The following MRAP2 variants were observed in gnomAD, a reference collection of about 807,000 sequenced individuals.
The protein encoded by MRAP2 is melanocortin 2 receptor accessory protein 2.
In MRAP2, 20 loss-of-function variants were observed where a neutral mutation model predicts 17.4. The ratio of observed to expected loss-of-function variants is 1.15; its 90% CI spans 0.81 to 1.67. The LOEUF is 1.67. MRAP2 is among the 40% of genes most tolerant of loss of function. The pLI, the probability that MRAP2 is intolerant of heterozygous loss-of-function variation, is 0.00. For synonymous variants in MRAP2, 96 were observed against 88.4 expected (o/e 1.09, Z -0.48); for missense variants, 238 against 240.0 (o/e 0.99, Z 0.05).
chr6:84,083,983 A>G (rs778374442), intron 3 of MRAP2, among the ~76,000 whole-genome samples: 1 of 152,186 alleles, frequency 6.6e-6, no homozygotes, highest in Non-Finnish European at 1.5e-5. Context: ...ACCTGTTCAC[A>G]TGGCTAATGT....
At chr6:84,067,466 C>G (rs866083065) in intron 3 of MRAP2, among the ~76,000 whole-genome samples, 4 of 152,292 alleles carry the variant, frequency 2.6e-5, no homozygotes, top group Admixed American at 6.5e-5. Flanking sequence ...CACTGTTTCC[C>G]ATAGTGGCTG....
At chr6:84,059,924 A>G (rs79617026) in intron 2 of MRAP2, among the ~76,000 whole-genome samples, 66 of 152,334 alleles carry the variant, frequency 4.3e-4, no homozygotes, top group African/African-American at 1.5e-3. Context: ...GCCTATGCCC[A>G]TGAAACTTAC....
intron 1 of MRAP2, chr6:84,035,488 A>G (rs1453960183): frequency 7.0e-6 from 6 of 859,662 alleles, no homozygotes; most frequent in Non-Finnish European, 8.4e-6. Context: ...TCATTAGGCT[A>G]ATGATCAGTT....
At chr6:84,071,005 T>C (rs992972138) in intron 3 of MRAP2, among the ~76,000 whole-genome samples, 5 of 152,220 alleles carry the variant, frequency 3.3e-5, no homozygotes, top group African/African-American at 1.2e-4. Context: ...GGTTGGTGGG[T>C]TCTTATCCAT....
At chr6:84,104,180 G>A in the MRAP2 span, among the ~76,000 whole-genome samples, 9 of 152,154 alleles carry the variant, frequency 5.9e-5, no homozygotes, top group Non-Finnish European at 1.0e-4. Flanking sequence ...GCCACAGGCC[G>A]AGCTCTACAT....
chr6:84,064,699 G>C (rs910670530), intron 3 of MRAP2, among the ~76,000 whole-genome samples: 1 of 152,172 alleles, frequency 6.6e-6, no homozygotes, highest in Non-Finnish European at 1.5e-5. Context: ...ATGTTAGCCA[G>C]GATGGTCTCG....
At chr6:84,047,027 G>A (rs2099489226) in intron 1 of MRAP2, among the ~76,000 whole-genome samples, 1 of 151,604 alleles carries the variant, frequency 6.6e-6, no homozygotes, top group African/African-American at 2.4e-5. Flanking sequence ...GGACCAGGGA[G>A]GAAGGATCCA....
At chr6:84,049,452 A>AAAC (rs796211683) in intron 1 of MRAP2, among the ~76,000 whole-genome samples, 4 of 152,092 alleles carry the variant, frequency 2.6e-5, no homozygotes, top group Non-Finnish European at 4.4e-5. Context: ...AAAACAAACA[A>AAAC]AACAACAACA....
intron 3 of MRAP2, among the ~76,000 whole-genome samples, chr6:84,088,363 T>C (rs2099500999): frequency 6.6e-6 from 1 of 152,198 alleles, no homozygotes; most frequent in South Asian, 2.1e-4. Context: ...CATTGACTCA[T>C]TTATTACCCT....
chr6:84,095,849 A>G (rs765998240), downstream of MRAP2, among the ~76,000 whole-genome samples: 62 of 152,188 alleles, frequency 4.1e-4, no homozygotes, highest in Non-Finnish European at 6.0e-4. Context: ...CACAGAGAAA[A>G]TATTCTTGTC....
At chr6:84,119,056 T>G in the MRAP2 span, among the ~76,000 whole-genome samples, 1 of 152,216 alleles carries the variant, frequency 6.6e-6, no homozygotes, top group Admixed American at 6.5e-5. Context: ...TCTGCTTTTG[T>G]GATAATATAC....
At chr6:84,103,122 A>G in the MRAP2 span, among the ~76,000 whole-genome samples, 14 of 152,212 alleles carry the variant, frequency 9.2e-5, no homozygotes, top group African/African-American at 3.4e-4. Flanking sequence ...ATGATGAAAC[A>G]TAGTGAGTAG....
At chr6:84,073,291 G>A (rs977463180) in intron 3 of MRAP2, among the ~76,000 whole-genome samples, 13 of 152,082 alleles carry the variant, frequency 8.5e-5, no homozygotes, top group Non-Finnish European at 1.9e-4. Context: ...ATTTCACTCG[G>A]CTCTCTAAAT....
Position 84,089,621 on chromosome 6 carries a change from C to T in MRAP2, c.*140C>T. On this transcript the variant is annotated 3_prime_UTR_variant, in exon 4 of 4. Transcript: ENST00000257776. ...AGACAGAGAGGCAGAGAAGAGACCC[C>T]TTTAGAAGAGAGCTGAGCTGATTAA... is the stretch of plus-strand genomic sequence containing the variant. The T allele has an allele frequency of 2.0e-6, 2 of 1,000,232 alleles. No homozygotes were observed. Among genetic ancestry groups the T allele is most frequent in the East Asian group, 2.5e-5 (1 of 39,432 alleles). 62.0% of individuals were successfully genotyped at this position (1,000,232 alleles called of 1,614,324 possible).
At chr6:84,067,670 T>A (rs2099495104) in intron 3 of MRAP2, among the ~76,000 whole-genome samples, 1 of 152,190 alleles carries the variant, frequency 6.6e-6, no homozygotes, top group Non-Finnish European at 1.5e-5. Context: ...TGTTGGCCAT[T>A]TGTATATCTT....
the MRAP2 span, among the ~76,000 whole-genome samples, chr6:84,125,476 C>T: frequency 6.6e-6 from 1 of 152,066 alleles, no homozygotes; most frequent in African/African-American, 2.4e-5. Context: ...TTGTGTCCCC[C>T]TCAAATTCAT....
At chr6:84,073,684 G>A (rs997933882) in intron 3 of MRAP2, among the ~76,000 whole-genome samples, 6 of 152,110 alleles carry the variant, frequency 3.9e-5, no homozygotes, top group African/African-American at 1.4e-4. Flanking sequence ...ACATTTCCAG[G>A]TTTACTTATT....
chr6:84,054,744 C>A (rs1286722673), intron 1 of MRAP2, among the ~76,000 whole-genome samples: 1 of 152,158 alleles, frequency 6.6e-6, no homozygotes, highest in East Asian at 1.9e-4. Context: ...TCCTCTACCT[C>A]CCAAATCCCA....
Position 84,089,733 on chromosome 6 carries a change from C to G in MRAP2, c.*252C>G, listed in dbSNP as rs995178663. On this transcript the variant is annotated 3_prime_UTR_variant, in exon 4 of 4. Coordinates refer to ENST00000257776, the MANE Select transcript of MRAP2 (RefSeq NM_138409.4). ...ATTAAAGTATTTACACCAAGCTTGT[C>G]CAACCCGTGGCATGTGTCCCAGGAC... 1 of 436,454 alleles carries G rather than the reference C, an allele frequency of 2.3e-6. No homozygotes were observed. The highest frequency in any genetic ancestry group is 4.0e-6 in the Non-Finnish European group (1 of 248,290). The allele number at this position is 436,454 out of a possible 1,614,324, so 27.0% of individuals were successfully genotyped here. A position where few individuals can be genotyped will look rare whatever the true frequency, so the allele number is the denominator to read the frequency against.
Sources: allele counts gnomAD v4.1 joint callset (sites outside exome capture counted in the v4.1 genomes callset), GRCh38; gene constraint gnomAD v4.1.1; transcripts MANE v1.5; gene names NCBI Gene and HGNC (gene_info 2026-07-23, HGNC 2026-07-21).